The following PPM1L variants were observed in gnomAD, a reference collection of about 807,000 sequenced individuals.
PPM1L encodes protein phosphatase, Mg2+/Mn2+ dependent 1L.
In PPM1L, 13 loss-of-function variants were observed where a neutral mutation model predicts 31.4. The ratio of observed to expected loss-of-function variants is 0.41; its 90% CI spans 0.27 to 0.66. The LOEUF (loss-of-function observed/expected upper bound fraction) is 0.66, where lower values mean the gene tolerates loss of function less well. Ranked by LOEUF, PPM1L falls within the 30% of genes least tolerant of loss-of-function variation. The pLI is 0.29. For synonymous variants in PPM1L, 184 were observed against 175.4 expected, an observed-to-expected ratio of 1.05 and a Z score of -0.39; for missense variants, 326 against 453.7, an observed-to-expected ratio of 0.72 and a Z score of 2.56.
intron 2 of PPM1L, chr3:161,035,848 T>A (rs964369471): frequency 1.3e-5 from 2 of 152,260 alleles, no homozygotes; most frequent in African/African-American, 4.8e-5. Flanking sequence ...TTTCAGCATA[T>A]GATTGAACGT....
At chr3:161,065,115 C>T (rs1217118385) in intron 2 of PPM1L, among the ~76,000 whole-genome samples, 5 of 152,062 alleles carry the variant, frequency 3.3e-5, no homozygotes, top group Non-Finnish European at 7.4e-5. Flanking sequence ...CTCTCCTAAT[C>T]CTTTTAAATG....
intron 1 of PPM1L, among the ~76,000 whole-genome samples, chr3:160,916,665 G>A (rs904111530): frequency 2.0e-5 from 3 of 151,982 alleles, no homozygotes; most frequent in African/African-American, 7.3e-5. Context: ...TGCTAGATGA[G>A]TGCCAGTTTT....
rs115600301 is a variant in PPM1L at position 161,073,937 on chromosome 3, T to C, written c.*4780T>C. ...TGTCTCAAATTCATTCCAAGATCTT[T>C]CCATTGCTTTTTTGCAGTTACCTTT... On this transcript the variant is annotated 3_prime_UTR_variant, in exon 4 of 4. Coordinates refer to ENST00000498165, the MANE Select transcript of PPM1L (RefSeq NM_139245.4). The C allele has an allele frequency of 7.9e-5, 12 of 152,314 alleles. No homozygotes were observed. Among genetic ancestry groups the C allele is most frequent in the African/African-American group, 2.4e-4 (10 of 41,568 alleles). The allele number at this position is 152,314 out of a possible 1,614,324, so 9.4% of individuals were successfully genotyped here.
chr3:160,895,976 C>G (rs935117560), intron 1 of PPM1L, among the ~76,000 whole-genome samples: 8 of 152,098 alleles, frequency 5.3e-5, no homozygotes, highest in African/African-American at 1.9e-4. Context: ...TCACCTTCTC[C>G]CTACCCCAAC....
intron 2 of PPM1L, among the ~76,000 whole-genome samples, chr3:161,059,364 A>T (rs1456405466): frequency 6.6e-6 from 1 of 152,120 alleles, no homozygotes; most frequent in African/African-American, 2.4e-5. Flanking sequence ...CTATACATGT[A>T]CAGGAGGGTC....
intron 2 of PPM1L, among the ~76,000 whole-genome samples, chr3:161,033,454 C>T (rs776162654): frequency 6.6e-6 from 1 of 152,112 alleles, no homozygotes; most frequent in African/African-American, 2.4e-5. Context: ...TACAAGGCTA[C>T]GATAACCAAA....
rs1036130325 is a variant in PPM1L, at chr3:161,072,906, C to T, written c.*3749C>T. 1.3e-5 allele frequency: 2 copies of T among 152,174 alleles called. No homozygotes were observed. The highest frequency in any genetic ancestry group is 4.8e-5 in the African/African-American group (2 of 41,420). The allele number at this position is 152,174 out of a possible 1,614,324, so 9.4% of individuals were successfully genotyped here. On this transcript the variant is annotated 3_prime_UTR_variant, in exon 4 of 4. Transcript: ENST00000498165. The stretch of plus-strand genomic sequence containing the variant: ...TTGACCCACAACTAGACTGTTCATA[C>T]CCTAATAGTTCCCCAAAATTGCCTT...
chr3:160,862,704 A>ACACACACACACAC (rs1560130385), intron 1 of PPM1L, among the ~76,000 whole-genome samples: 1 of 117,722 alleles, frequency 8.5e-6, no homozygotes, highest in African/African-American at 4.4e-5. Context: ...ACACACACAC[A>ACACACACACACAC]AAATTCTGAA....
chr3:160,853,231 G>C (rs1448258011), intron 1 of PPM1L, among the ~76,000 whole-genome samples: 1 of 152,166 alleles, frequency 6.6e-6, no homozygotes, highest in East Asian at 1.9e-4. Flanking sequence ...AGCATATAAA[G>C]TAATAATCAC....
At chr3:161,001,281 G>A (rs1368903851) in intron 2 of PPM1L, among the ~76,000 whole-genome samples, 1 of 151,622 alleles carries the variant, frequency 6.6e-6, no homozygotes. Flanking sequence ...AAAGTCTATA[G>A]TTTTTTGTTT....
At chr3:160,857,874 A>G (rs1310939682) in intron 1 of PPM1L, among the ~76,000 whole-genome samples, 3 of 152,160 alleles carry the variant, frequency 2.0e-5, no homozygotes, top group African/African-American at 7.2e-5. Flanking sequence ...TTTCAGATAT[A>G]TGCATATCCA....
At chr3:161,001,964 T>A (rs1717498958) in intron 2 of PPM1L, among the ~76,000 whole-genome samples, 1 of 151,782 alleles carries the variant, frequency 6.6e-6, no homozygotes, top group Non-Finnish European at 1.5e-5. Context: ...ATTAGGTATA[T>A]CTCCCAATGC....
At chr3:160,865,344 G>A (rs185431152) in intron 1 of PPM1L, among the ~76,000 whole-genome samples, 73 of 152,302 alleles carry the variant, frequency 4.8e-4, no homozygotes, top group African/African-American at 1.7e-3. Flanking sequence ...GTAGATGGAA[G>A]GTCCCAGGAA....
chr3:161,016,050 A>G (rs1012211232), intron 2 of PPM1L, among the ~76,000 whole-genome samples: 6 of 152,146 alleles, frequency 3.9e-5, no homozygotes, highest in Admixed American at 3.9e-4. Flanking sequence ...GGTCACCAAA[A>G]GGTGTGTCTA....
At position 161,069,255 on chromosome 3, in the gene PPM1L, C is replaced by G. The variant is rs192593240; in HGVS notation, c.*98C>G. 85 of 916,694 alleles carry G rather than the reference C, an allele frequency of 9.3e-5. No homozygotes were observed. The East Asian group carries it at 2.0e-3, about 22-fold the overall frequency. The allele number at this position is 916,694 out of a possible 1,614,324, so 56.8% of individuals were successfully genotyped here. ...GTGTGGGAGTTGTAATTAGGATCAT[C>G]CACCCCAGACATGGAATCCCCCCTC... On this transcript the variant is annotated 3_prime_UTR_variant, in exon 4 of 4. Transcript: ENST00000498165.
At position 160,961,928 on chromosome 3, in the gene PPM1L, A is replaced by G. The variant is rs749502410; in HGVS notation, c.574+18A>G. The G allele has an allele frequency of 1.3e-6, 2 of 1,530,412 alleles. No individual in the cohort carries two copies. The highest frequency in any genetic ancestry group is 1.3e-5 in the South Asian group (1 of 76,622). 94.8% of individuals were successfully genotyped at this position (1,530,412 alleles called of 1,614,324 possible). A position where few individuals can be genotyped will look rare whatever the true frequency, so the allele number is the denominator to read the frequency against. On this transcript the variant is annotated intron_variant, in intron 2 of 3. Coordinates refer to ENST00000498165, the MANE Select transcript of PPM1L (RefSeq NM_139245.4). ...TGAAGCAGGTATGTTTGTTTTTAAA[A>G]CACACATTTTTTTTCCTTGCAAAAA...
chr3:160,762,020 C>T (rs1326485186), intron 1 of PPM1L, among the ~76,000 whole-genome samples: 2 of 152,170 alleles, frequency 1.3e-5, no homozygotes, highest in East Asian at 1.9e-4. Context: ...AACCATATCA[C>T]CATTTTTCTC....
chr3:160,973,764 G>GTTTTTTGTTTTTTTTTT (rs1716436464), intron 2 of PPM1L, among the ~76,000 whole-genome samples: 1 of 88,450 alleles, frequency 1.1e-5, no homozygotes, highest in Non-Finnish European at 2.6e-5. Flanking sequence ...GAAAGGCCCT[G>GTTTTTTGTTTTTTTTTT]TTTTTTTTTT....
intron 1 of PPM1L, among the ~76,000 whole-genome samples, chr3:160,782,575 A>G (rs960147834): frequency 6.6e-6 from 1 of 152,220 alleles, no homozygotes; most frequent in Non-Finnish European, 1.5e-5. Context: ...AAAAAAATGC[A>G]TAAAATGTGT....
Sources: allele counts gnomAD v4.1 joint callset (sites outside exome capture counted in the v4.1 genomes callset), GRCh38; gene constraint gnomAD v4.1.1; transcripts MANE v1.5; gene names NCBI Gene and HGNC (gene_info 2026-07-23, HGNC 2026-07-21).